The following KMT5A variants were observed in gnomAD, a reference collection of about 807,000 sequenced individuals.
KMT5A encodes the protein lysine methyltransferase 5A, also known as N-lysine methyltransferase KMT5A.
A neutral mutation model predicts 40.6 loss-of-function variants in KMT5A; 6 were observed. That is an observed-to-expected ratio of 0.15 (90% CI 0.08 to 0.29). The LOEUF (loss-of-function observed/expected upper bound fraction) is 0.29, where lower values mean the gene tolerates loss of function less well. KMT5A is among the 10% of genes least tolerant of loss of function. KMT5A has a pLI of 1.00. For synonymous variants in KMT5A, 153 were observed against 178.8 expected (o/e 0.86, Z 1.15); for missense variants, 308 against 459.1 (o/e 0.67, Z 3.01).
intron 6 of KMT5A, among the ~76,000 whole-genome samples, chr12:123,404,219 A>G (rs544086426): frequency 2.8e-4 from 42 of 152,142 alleles, no homozygotes; most frequent in African/African-American, 9.9e-4. Context: ...TTTCAACCAC[A>G]CTCAGTTTGG....
chr12:123,403,819 A>C (rs1878350868), intron 6 of KMT5A, among the ~76,000 whole-genome samples, 187 bp downstream of exon 6: 2 of 152,350 alleles, frequency 1.3e-5, no homozygotes, highest in Non-Finnish European at 2.9e-5. Flanking sequence ...TATGAAGGAA[A>C]CATAAATGGG....
At chr12:123,391,715 C>T (rs928801540) in intron 3 of KMT5A, among the ~76,000 whole-genome samples, 1 of 152,338 alleles carries the variant, frequency 6.6e-6, no homozygotes, top group South Asian at 2.1e-4. Flanking sequence ...TCAGCTTTCC[C>T]CAATTCACCA....
At chr12:123,395,300 G>A in intron 4 of KMT5A, 34 bp downstream of exon 4, 1 of 1,594,158 alleles carries the variant, frequency 6.3e-7, no homozygotes, top group South Asian at 1.1e-5. Context: ...TCCTAACGTG[G>A]AGCAGTTTGG....
Position 123,395,100 on chromosome 12 carries a change from A to G in KMT5A, c.343A>G (p.Lys115Glu). 2.5e-6 allele frequency: 4 copies of G among 1,598,614 alleles called. No individual in the cohort carries two copies. Among genetic ancestry groups the G allele is most frequent in the Non-Finnish European group, 3.4e-6 (4 of 1,172,408 alleles). ...GAGCGCCATGAAGTCCGAGGAACAG[A>G]AGATCAAAGACGCCAGGAAAGGTCC... is the stretch of plus-strand genomic sequence containing the variant. The part of the protein sequence containing the change: ...VRSAMKSEEQ[K>E]IKDARKGPLV... Residue 115 changes from lysine (K) to glutamate (E), a missense_variant, in exon 4 of 8, where the codon AAG (lysine) becomes GAG (glutamate). Lys to Glu is a moderately conservative substitution (Grantham distance 56, BLOSUM62 1). Transcript: ENST00000402868.
At chr12:123,404,651 G>A (rs1157851213) in intron 6 of KMT5A, among the ~76,000 whole-genome samples, 1 of 152,196 alleles carries the variant, frequency 6.6e-6, no homozygotes, top group Non-Finnish European at 1.5e-5. Context: ...GAGCACCAAG[G>A]AACCACGTTT....
intron 5 of KMT5A, among the ~76,000 whole-genome samples, chr12:123,400,192 C>T (rs1435205828): frequency 5.9e-5 from 9 of 151,586 alleles, no homozygotes; most frequent in East Asian, 3.9e-4. Context: ...CCTGCCACCA[C>T]GCCCGGCTAA....
chr12:123,395,237 C>T lies in KMT5A; in HGVS notation c.480C>T (p.Pro160=). 1 of 1,613,456 alleles carries T rather than the reference C, an allele frequency of 6.2e-7. No individual in the cohort carries two copies. The highest frequency in any genetic ancestry group is 8.5e-7 in the Non-Finnish European group (1 of 1,179,780). Residue 160 remains proline, a synonymous_variant, in exon 4 of 8, where the codon CCC becomes CCT. Coordinates refer to ENST00000402868, the MANE Select transcript of KMT5A (RefSeq NM_020382.7). ...AAIAKQALKK[P]IKGKQAPRKK... ...TCGCCAAGCAAGCCCTGAAAAAGCCCATCAAGGGCAAACAGGCCCCCCGAA... is the reference window on the plus strand; with the variant it reads ...TCGCCAAGCAAGCCCTGAAAAAGCCTATCAAGGGCAAACAGGCCCCCCGAA...
At position 123,384,133 on chromosome 12, in the gene KMT5A, A is replaced by G; in HGVS notation, c.-66A>G. The G allele has an allele frequency of 6.2e-7, 1 of 1,601,840 alleles. No homozygotes were observed. Among genetic ancestry groups the G allele is most frequent in the Non-Finnish European group, 8.5e-7 (1 of 1,173,836 alleles). ...TGGAGCCCGGCGGAGCAGTTGGCTG[A>G]GTTGTTGCAACTTTTTTCGAAAGCT... is the stretch of plus-strand genomic sequence containing the variant. On this transcript the variant is annotated 5_prime_UTR_variant, in exon 1 of 8. Coordinates refer to ENST00000402868, the MANE Select transcript of KMT5A (RefSeq NM_020382.7). This position sits in a 1 kb window ranked among gnomAD's most constrained non-coding sequence, Gnocchi z 5.7.
chr12:123,388,998 C>A (rs1373062483), intron 1 of KMT5A: 11 of 143,358 alleles, frequency 7.7e-5, no homozygotes, highest in African/African-American at 2.8e-4. Context: ...CGCCTCCTTC[C>A]CTTCGTGCCT....
chr12:123,388,844 C>T (rs1175877236), intron 1 of KMT5A: 4 of 149,546 alleles, frequency 2.7e-5, no homozygotes, highest in Non-Finnish European at 6.0e-5. Flanking sequence ...AGGGGGCGCG[C>T]CCGAGCCGGG....
intron 5 of KMT5A, among the ~76,000 whole-genome samples, chr12:123,397,743 C>T (rs888913226): frequency 2.0e-5 from 3 of 150,456 alleles, no homozygotes; most frequent in African/African-American, 7.3e-5. Flanking sequence ...CTCGACTCAC[C>T]GCAACCTCCA....
At position 123,390,617 on chromosome 12, in the gene KMT5A, T is replaced by A. The variant is rs1301606123; in HGVS notation, c.133-13T>A. On this transcript the variant is annotated splice_polypyrimidine_tract_variant and intron_variant, in intron 2 of 7. Transcript: ENST00000402868. ...CTTCAAGCCTCTTTCAGAATATGCT[T>A]TTGTCTTTTTAGGAGAACGTATTTA... is the stretch of plus-strand genomic sequence containing the variant. The A allele has an allele frequency of 6.2e-7, 1 of 1,612,734 alleles. No individual in the cohort carries two copies.
intron 7 of KMT5A, among the ~76,000 whole-genome samples, chr12:123,407,112 A>G (rs1285428024): frequency 2.0e-5 from 3 of 151,200 alleles, no homozygotes; most frequent in Non-Finnish European, 4.4e-5. Flanking sequence ...CCAAGGCCAG[A>G]GGATCACTTG....
At chr12:123,387,170 T>A (rs28581850) in intron 1 of KMT5A, among the ~76,000 whole-genome samples, 1 of 152,110 alleles carries the variant, frequency 6.6e-6, no homozygotes, top group Non-Finnish European at 1.5e-5. Flanking sequence ...GTATTTGTTA[T>A]ATACGTATAA....
At chr12:123,395,736 T>G (rs1370173258) in intron 4 of KMT5A, among the ~76,000 whole-genome samples, 1 of 152,104 alleles carries the variant, frequency 6.6e-6, no homozygotes, top group African/African-American at 2.4e-5. Flanking sequence ...CGCTTATTTT[T>G]GTATTTTTAT....
At chr12:123,398,527 C>T (rs1005919474) in intron 5 of KMT5A, among the ~76,000 whole-genome samples, 3 of 152,218 alleles carry the variant, frequency 2.0e-5, no homozygotes, top group Non-Finnish European at 2.9e-5. Flanking sequence ...CTAAATCTTG[C>T]AGCAGATGAG....
chr12:123,405,244 A>G (rs1382918940), intron 7 of KMT5A, among the ~76,000 whole-genome samples, 170 bp downstream of exon 7: 1 of 150,854 alleles, frequency 6.6e-6, no homozygotes, highest in Non-Finnish European at 1.5e-5. Context: ...CCCAGGCTGG[A>G]GTGCAGTGGT....
intron 1 of KMT5A, chr12:123,388,995 T>C (rs1422688886): frequency 7.1e-6 from 1 of 141,814 alleles, no homozygotes; most frequent in East Asian, 2.1e-4. Context: ...CTGCGCCTCC[T>C]TCCCTTCGTG....
At chr12:123,406,985 C>T (rs1453829613) in intron 7 of KMT5A, among the ~76,000 whole-genome samples, 1 of 143,310 alleles carries the variant, frequency 7.0e-6, no homozygotes, top group African/African-American at 2.6e-5. Context: ...CACTGCACTC[C>T]AGCCTGGGCG....
Sources: allele counts gnomAD v4.1 joint callset (sites outside exome capture counted in the v4.1 genomes callset), GRCh38; gene constraint gnomAD v4.1.1; non-coding constraint Gnocchi (gnomAD v3.1); transcripts MANE v1.5; gene names NCBI Gene and HGNC (gene_info 2026-07-23, HGNC 2026-07-21).